Variants in ATXN10 observed in about 807,000 individuals in gnomAD.
ATXN10 encodes the protein ataxin 10, also known as ataxin-10.
A neutral mutation model predicts 52.9 loss-of-function variants in ATXN10; 28 were observed. The observed-to-expected ratio is 0.53, with a 90% CI of 0.39 to 0.73. The LOEUF (loss-of-function observed/expected upper bound fraction) is 0.73. Ranked by LOEUF, ATXN10 falls within the 30% of genes least tolerant of loss-of-function variation. The pLI is 0.00. For synonymous variants in ATXN10, 226 were observed against 221.5 expected (o/e 1.02, Z -0.18); for missense variants, 565 against 577.0 (o/e 0.98, Z 0.21).
At chr22:45,724,065 G>A (rs549538938) in intron 6 of ATXN10, among the ~76,000 whole-genome samples, 4 of 149,648 alleles carry the variant, frequency 2.7e-5, no homozygotes, top group Admixed American at 2.0e-4. Context: ...TATATATCAC[G>A]TTTTCTTTGT....
intron 9 of ATXN10, chr22:45,793,811 G>A: frequency 7.7e-7 from 1 of 1,306,250 alleles, no homozygotes; most frequent in Non-Finnish European, 9.8e-7. Flanking sequence ...AGCCTGGGAA[G>A]GTTCTTGGCT....
intron 9 of ATXN10, among the ~76,000 whole-genome samples, chr22:45,765,550 C>T (rs1926552446): frequency 6.6e-6 from 1 of 152,176 alleles, no homozygotes. Flanking sequence ...CCCTCCTCCA[C>T]CTGCACCTTG....
chr22:45,815,079 G>C (rs1378767886), intron 10 of ATXN10, among the ~76,000 whole-genome samples: 1 of 152,200 alleles, frequency 6.6e-6, no homozygotes, highest in African/African-American at 2.4e-5. Flanking sequence ...CCCCAAAGTA[G>C]AAATAACCCA....
chr22:45,761,427 T>C (rs1378718066), intron 9 of ATXN10, among the ~76,000 whole-genome samples: 1 of 152,202 alleles, frequency 6.6e-6, no homozygotes, highest in Non-Finnish European at 1.5e-5. Flanking sequence ...GATGAACAAA[T>C]GAATATTTTT....
intron 3 of ATXN10, among the ~76,000 whole-genome samples, 164 bp downstream of exon 3, chr22:45,693,242 C>T (rs1192544444): frequency 6.6e-6 from 1 of 152,120 alleles, no homozygotes; most frequent in Non-Finnish European, 1.5e-5. Flanking sequence ...TATCAACTTC[C>T]CTTCCTGAAT....
In ATXN10 at chr22:45,672,322, C is replaced by T. The variant is rs892690477; in HGVS notation, c.116+143C>T. The T allele has an allele frequency of 3.2e-5, 30 of 930,866 alleles. No homozygotes were observed. In the East Asian group the frequency reaches 9.0e-4, roughly 28 times the overall value. The allele number at this position is 930,866 out of a possible 1,614,324, so 57.7% of individuals were successfully genotyped here. On this transcript the variant is annotated intron_variant, in intron 1 of 11. Coordinates refer to ENST00000252934, the MANE Select transcript of ATXN10 (RefSeq NM_013236.4). Reference sequence around the variant, plus strand: ...CCTGCGCGGGCTGCCTGAGCGCCACCCAGGCCTCCCGACTCCCAGGCACCG... The same window carrying T: ...CCTGCGCGGGCTGCCTGAGCGCCACTCAGGCCTCCCGACTCCCAGGCACCG...
At chr22:45,782,411 G>A (rs551905431) in intron 9 of ATXN10, among the ~76,000 whole-genome samples, 1 of 152,192 alleles carries the variant, frequency 6.6e-6, no homozygotes, top group Non-Finnish European at 1.5e-5. Flanking sequence ...AACAACCCAA[G>A]TGTCTATCAC....
chr22:45,785,617 C>G (rs1346358356), intron 9 of ATXN10, among the ~76,000 whole-genome samples: 2 of 152,170 alleles, frequency 1.3e-5, no homozygotes, highest in Non-Finnish European at 2.9e-5. Flanking sequence ...GCTTTTTGGC[C>G]TGTTTTTCAT....
At chr22:45,830,717 G>C (rs1015756314) in intron 10 of ATXN10, among the ~76,000 whole-genome samples, 2 of 151,510 alleles carry the variant, frequency 1.3e-5, no homozygotes, top group African/African-American at 4.8e-5. Context: ...AACAAGTCTT[G>C]GCATGAATGT....
intron 10 of ATXN10, among the ~76,000 whole-genome samples, chr22:45,827,800 C>G (rs1333808411): frequency 2.0e-5 from 3 of 152,222 alleles, no homozygotes; most frequent in Admixed American, 6.5e-5. Context: ...ACAGAACACT[C>G]TATCCTACAA....
chr22:45,697,694 ATCT>A (rs1241115077), intron 3 of ATXN10, among the ~76,000 whole-genome samples: 5 of 152,028 alleles, frequency 3.3e-5, no homozygotes, highest in African/African-American at 1.2e-4. Context: ...CAGTGGGGCG[ATCT>A]CGGCTCACTG....
At chr22:45,753,088 C>T (rs536898138) in intron 9 of ATXN10, among the ~76,000 whole-genome samples, 1 of 152,128 alleles carries the variant, frequency 6.6e-6, no homozygotes, top group South Asian at 2.1e-4. Flanking sequence ...ATTTAAGACA[C>T]TTATTTTCTC....
intron 10 of ATXN10, among the ~76,000 whole-genome samples, chr22:45,817,229 A>G (rs146476062): frequency 1.3e-5 from 2 of 149,558 alleles, no homozygotes; most frequent in South Asian, 2.1e-4. Flanking sequence ...TATAAGCACT[A>G]TGTGTTAATT....
At chr22:45,740,714 ACAC>A in intron 9 of ATXN10, 176 bp downstream of exon 9, 1 of 411,414 alleles carries the variant, frequency 2.4e-6, no homozygotes, top group Non-Finnish European at 4.3e-6. Flanking sequence ...ACACACACAC[ACAC>A]ACATATATAT....
At position 45,840,007 on chromosome 22, in the gene ATXN10, A is replaced by C. The variant is rs1396100979; in HGVS notation, c.1238-2984A>C. On this transcript the variant is annotated intron_variant, in intron 10 of 11. Coordinates refer to ENST00000252934, the MANE Select transcript of ATXN10 (RefSeq NM_013236.4). This position sits in a 1 kb window ranked among gnomAD's most constrained non-coding sequence, Gnocchi z 5.8. ...CCACGCTAGGGACAGAGCACAGAGA[A>C]GTGAGTACTATTGGTCTTGTTGTGA... 6.6e-6 allele frequency among the ~76,000 whole-genome samples: 1 copy of C among 152,224 alleles called. No homozygotes were observed. The highest frequency in any genetic ancestry group is 1.5e-5 in the Non-Finnish European group (1 of 68,032).
At chr22:45,839,241 T>G (rs1013691717) in intron 10 of ATXN10, among the ~76,000 whole-genome samples, 23 of 152,136 alleles carry the variant, frequency 1.5e-4, no homozygotes, top group African/African-American at 5.1e-4. Context: ...TTCCTTGACT[T>G]ACATCTTTTT....
At chr22:45,753,762 T>C (rs1370074858) in intron 9 of ATXN10, among the ~76,000 whole-genome samples, 2 of 152,102 alleles carry the variant, frequency 1.3e-5, no homozygotes, top group Admixed American at 6.5e-5. Flanking sequence ...ACACTGACAA[T>C]GTGACTCTGG....
chr22:45,682,205 C>T (rs1340736147), intron 1 of ATXN10, among the ~76,000 whole-genome samples: 1 of 152,196 alleles, frequency 6.6e-6, no homozygotes, highest in South Asian at 2.1e-4. Context: ...AGAACTCAGT[C>T]CTCAGACCTC....
Position 45,833,052 on chromosome 22 carries a change from T to G in ATXN10, c.1238-9939T>G, listed in dbSNP as rs769375602. Among the ~76,000 whole-genome samples, 5 of 152,326 alleles carry G rather than the reference T, an allele frequency of 3.3e-5. No homozygotes were observed. The South Asian group carries it at 6.2e-4, about 19-fold the overall frequency. On this transcript the variant is annotated intron_variant, in intron 10 of 11. Transcript: ENST00000252934. This position sits in a 1 kb window ranked among gnomAD's most constrained non-coding sequence, Gnocchi z 4.3. ...TCCCCTGATGAGGACAAATTAGAAT[T>G]AGAGATCTCCTTGTTGAAAGAAATC...
Sources: allele counts gnomAD v4.1 joint callset (sites outside exome capture counted in the v4.1 genomes callset), GRCh38; gene constraint gnomAD v4.1.1; non-coding constraint Gnocchi (gnomAD v3.1); transcripts MANE v1.5; gene names NCBI Gene and HGNC (gene_info 2026-07-23, HGNC 2026-07-21).